GABRB1: variants seen among roughly 807,000 people sequenced by gnomAD.
The protein encoded by GABRB1 is gamma-aminobutyric acid receptor subunit beta-1.
Under a neutral mutation model 51.6 loss-of-function variants are expected in GABRB1, and 17 were observed. That is an observed-to-expected ratio of 0.33 (90% confidence interval 0.23 to 0.49). The LOEUF is 0.49. Among genes scored for constraint, GABRB1 ranks in the 20% least tolerant of loss-of-function variants. GABRB1 has a pLI of 0.99. For synonymous variants in GABRB1, 247 were observed against 218.9 expected (o/e 1.13, Z -1.14); for missense variants, 410 against 600.6 (o/e 0.68, Z 3.32).
chr4:47,117,088 C>G (rs1011116205), intron 3 of GABRB1, among the ~76,000 whole-genome samples: 12 of 152,100 alleles, frequency 7.9e-5, no homozygotes, highest in African/African-American at 2.7e-4. Context: ...TGGGGACATA[C>G]AGCCAAACCA....
At chr4:47,170,693 T>C (rs1051090414) in intron 4 of GABRB1, among the ~76,000 whole-genome samples, 1 of 152,160 alleles carries the variant, frequency 6.6e-6, no homozygotes, top group South Asian at 2.1e-4. Context: ...AGCTTGGCTG[T>C]TATTGACAAA....
chr4:47,006,881 A>G (rs1724418022), intron 1 of GABRB1, among the ~76,000 whole-genome samples: 1 of 152,208 alleles, frequency 6.6e-6, no homozygotes, highest in Non-Finnish European at 1.5e-5. Context: ...TAGGCTGGGG[A>G]TGGTGGCTCA....
At chr4:47,277,625 GTA>G (rs756251243) in intron 4 of GABRB1, among the ~76,000 whole-genome samples, 89 of 151,808 alleles carry the variant, frequency 5.9e-4, no homozygotes, top group Non-Finnish European at 1.1e-3. Flanking sequence ...TCCCATAAAT[GTA>G]TATGCCTACT....
intron 8 of GABRB1, among the ~76,000 whole-genome samples, chr4:47,417,650 T>A (rs1728973971): frequency 6.6e-6 from 1 of 152,120 alleles, no homozygotes; most frequent in Non-Finnish European, 1.5e-5. Flanking sequence ...TTAAGTAGAG[T>A]GTAGGCTTCT....
intron 5 of GABRB1, among the ~76,000 whole-genome samples, chr4:47,397,471 C>T (rs4479680): frequency 0.16 from 24,178 of 152,116 alleles, 2,056 homozygotes; most frequent in Non-Finnish European, 0.18. Flanking sequence ...ACCCATTGAT[C>T]TTTCTTTCAG....
intron 4 of GABRB1, among the ~76,000 whole-genome samples, chr4:47,212,501 C>G (rs995069033): frequency 1.3e-5 from 2 of 152,088 alleles, no homozygotes; most frequent in African/African-American, 4.8e-5. Context: ...ATGGTGAAAA[C>G]CTGTATCTAC....
At chr4:47,133,660 G>T (rs1378675527) in intron 3 of GABRB1, among the ~76,000 whole-genome samples, 2 of 152,144 alleles carry the variant, frequency 1.3e-5, no homozygotes, top group Non-Finnish European at 2.9e-5. Context: ...CTTCCCATCT[G>T]AGTTAGTTTG....
At chr4:47,322,511 G>C (rs1474045919) in intron 5 of GABRB1, among the ~76,000 whole-genome samples, 1 of 152,152 alleles carries the variant, frequency 6.6e-6, no homozygotes, top group East Asian at 1.9e-4. Flanking sequence ...ATAAGTATTT[G>C]TAACAACACT....
intron 5 of GABRB1, among the ~76,000 whole-genome samples, chr4:47,347,213 T>C (rs1407288932): frequency 1.3e-5 from 2 of 151,594 alleles, no homozygotes; most frequent in Admixed American, 6.6e-5. Flanking sequence ...ACCCAGGAGG[T>C]AGAGATTGCA....
In GABRB1 at chr4:47,279,318, A is replaced by G. The variant is rs1280942376; in HGVS notation, c.462-40809A>G. On this transcript the variant is annotated intron_variant, in intron 4 of 8. Coordinates refer to ENST00000295454, the MANE Select transcript of GABRB1 (RefSeq NM_000812.4). Reference sequence around the variant, plus strand: ...AGCCATTCATTAGTGAGTGAAATCAATTTAGCAGGTGGTGACAAGCATTTT... The same window carrying G: ...AGCCATTCATTAGTGAGTGAAATCAGTTTAGCAGGTGGTGACAAGCATTTT... Among the ~76,000 whole-genome samples the G allele has an allele frequency of 3.3e-5, 5 of 152,190 alleles. No homozygotes were observed. The East Asian group carries it at 9.6e-4, about 29-fold the overall frequency.
chr4:47,201,992 A>T (rs1719916278), intron 4 of GABRB1, among the ~76,000 whole-genome samples: 1 of 152,082 alleles, frequency 6.6e-6, no homozygotes, highest in South Asian at 2.1e-4. Flanking sequence ...TTCCACACGA[A>T]ATGCTCTGTC....
intron 4 of GABRB1, among the ~76,000 whole-genome samples, chr4:47,225,335 G>A (rs1179517362): frequency 6.6e-6 from 1 of 152,128 alleles, no homozygotes; most frequent in African/African-American, 2.4e-5. Context: ...GGAGTGTAAA[G>A]ATTTCATTTA....
At chr4:47,023,025 A>G (rs1724971964) in intron 1 of GABRB1, among the ~76,000 whole-genome samples, 1 of 152,122 alleles carries the variant, frequency 6.6e-6, no homozygotes, top group South Asian at 2.1e-4. Flanking sequence ...ATTTGCAACG[A>G]CATGGATGGC....
At chr4:47,266,598 C>T (rs1426111698) in intron 4 of GABRB1, among the ~76,000 whole-genome samples, 3 of 151,966 alleles carry the variant, frequency 2.0e-5, no homozygotes, top group Non-Finnish European at 4.4e-5. Flanking sequence ...GAGAGTTCCT[C>T]GTGGAATTAA....
At chr4:47,205,604 T>G (rs892619195) in intron 4 of GABRB1, among the ~76,000 whole-genome samples, 10 of 152,198 alleles carry the variant, frequency 6.6e-5, no homozygotes, top group Non-Finnish European at 1.2e-4. Context: ...GGTCATGCTC[T>G]CAGATTTTGG....
intron 4 of GABRB1, among the ~76,000 whole-genome samples, chr4:47,169,572 G>C (rs1718352448): frequency 6.6e-6 from 1 of 151,848 alleles, no homozygotes; most frequent in Non-Finnish European, 1.5e-5. Context: ...CACAATCTTG[G>C]CTCACTGAAA....
Position 47,316,579 on chromosome 4 carries a change from A to G in GABRB1, c.462-3548A>G, listed in dbSNP as rs184285431. Among the ~76,000 whole-genome samples the G allele has an allele frequency of 7.2e-5, 11 of 152,058 alleles. No homozygotes were observed. The East Asian group carries it at 2.1e-3, about 29-fold the overall frequency. On this transcript the variant is annotated intron_variant, in intron 4 of 8. Coordinates refer to ENST00000295454, the MANE Select transcript of GABRB1 (RefSeq NM_000812.4). ...CCATGTTAACACATTCAAGATCACT[A>G]TATTAACTTGTGCTGCCAGGTTAAA...
chr4:47,324,953 G>A (rs1455874586), intron 5 of GABRB1, among the ~76,000 whole-genome samples: 3 of 152,042 alleles, frequency 2.0e-5, no homozygotes, highest in Non-Finnish European at 2.9e-5. Context: ...ATATTTATCA[G>A]GCCCGTCCAT....
chr4:47,125,452 T>C (rs145580427), intron 3 of GABRB1, among the ~76,000 whole-genome samples: 20 of 151,430 alleles, frequency 1.3e-4, no homozygotes, highest in African/African-American at 4.8e-4. Flanking sequence ...AATACAGTAA[T>C]AATGGGGCAT....
Sources: allele counts gnomAD v4.1 joint callset (sites outside exome capture counted in the v4.1 genomes callset), GRCh38; gene constraint gnomAD v4.1.1; transcripts MANE v1.5; gene names NCBI Gene and HGNC (gene_info 2026-07-23, HGNC 2026-07-21).